ALCAM: variants seen among roughly 807,000 people sequenced by gnomAD.
ALCAM encodes the protein activated leukocyte cell adhesion molecule, also known as CD166 antigen.
ALCAM carries 30 observed loss-of-function variants against 70.9 expected under a neutral mutation model. The observed-to-expected ratio is 0.42, with a 90% CI of 0.32 to 0.57. The LOEUF (loss-of-function observed/expected upper bound fraction) is 0.57, where lower values mean the gene tolerates loss of function less well. Ranked by LOEUF, ALCAM falls within the 20% of genes least tolerant of loss-of-function variation. The probability of loss-of-function intolerance (pLI) is 0.11; values close to 1 mark genes in which losing one functional copy is unlikely to be tolerated. For missense variants in ALCAM, 591 were observed against 695.1 expected (o/e 0.85, Z 1.68); for synonymous variants, 249 against 242.5 (o/e 1.03, Z -0.25).
intron 1 of ALCAM, among the ~76,000 whole-genome samples, chr3:105,429,543 G>C (rs2107434168): frequency 6.6e-6 from 1 of 151,986 alleles, no homozygotes; most frequent in East Asian, 1.9e-4. Flanking sequence ...TAAACAAATT[G>C]GTTATTTATT....
intron 1 of ALCAM, among the ~76,000 whole-genome samples, chr3:105,389,381 T>TTG (rs1159091462): frequency 7.7e-6 from 1 of 130,258 alleles, no homozygotes; most frequent in Non-Finnish European, 1.7e-5. Flanking sequence ...GTTTTTTTTT[T>TTG]TTTTTTTTTT....
chr3:105,556,782 T>C (rs780693839), intron 14 of ALCAM, among the ~76,000 whole-genome samples: 2 of 152,080 alleles, frequency 1.3e-5, no homozygotes, highest in Non-Finnish European at 2.9e-5. Flanking sequence ...AAAGCAAATA[T>C]ATGTTCTCAG....
At chr3:105,570,402 G>A (rs533299786) in intron 14 of ALCAM, among the ~76,000 whole-genome samples, 4 of 152,056 alleles carry the variant, frequency 2.6e-5, no homozygotes. Context: ...GGAACTGAAA[G>A]ACATAATATT....
intron 6 of ALCAM, among the ~76,000 whole-genome samples, chr3:105,538,639 A>G (rs1259839815): frequency 6.6e-6 from 1 of 152,108 alleles, no homozygotes; most frequent in Non-Finnish European, 1.5e-5. Flanking sequence ...CCACAGTGAC[A>G]TGCCACAGGC....
At chr3:105,413,908 G>A (rs1441911543) in intron 1 of ALCAM, among the ~76,000 whole-genome samples, 1 of 152,108 alleles carries the variant, frequency 6.6e-6, no homozygotes, top group Non-Finnish European at 1.5e-5. Context: ...GTGCCATGAT[G>A]TTATTTATCA....
intron 1 of ALCAM, among the ~76,000 whole-genome samples, chr3:105,514,672 T>C (rs1939332058): frequency 6.6e-6 from 1 of 151,934 alleles, no homozygotes; most frequent in Non-Finnish European, 1.5e-5. Flanking sequence ...TGGGTACTAC[T>C]AGTAGTTTAT....
intron 1 of ALCAM, among the ~76,000 whole-genome samples, chr3:105,401,258 A>G (rs1936081839): frequency 6.6e-6 from 1 of 152,206 alleles, no homozygotes; most frequent in African/African-American, 2.4e-5. Context: ...TAAAAACTGA[A>G]ATTATGTACT....
intron 1 of ALCAM, among the ~76,000 whole-genome samples, chr3:105,498,299 C>T (rs1236255064): frequency 6.6e-6 from 1 of 152,098 alleles, no homozygotes; most frequent in Non-Finnish European, 1.5e-5. Flanking sequence ...TATTCTGCTT[C>T]TGTATTCTGT....
At chr3:105,397,142 G>T (rs1001042503) in intron 1 of ALCAM, among the ~76,000 whole-genome samples, 2 of 152,042 alleles carry the variant, frequency 1.3e-5, no homozygotes, top group Non-Finnish European at 2.9e-5. Flanking sequence ...GTGAAATGAT[G>T]AGGCCATTAC....
intron 2 of ALCAM, 56 bp downstream of exon 2, chr3:105,520,223 T>C (rs758326843): frequency 8.1e-7 from 1 of 1,235,522 alleles, no homozygotes; most frequent in East Asian, 2.3e-5. Flanking sequence ...TAAATAAAAT[T>C]CTTTCTGTGA....
intron 1 of ALCAM, among the ~76,000 whole-genome samples, chr3:105,482,687 T>A (rs1190311925): frequency 2.6e-5 from 4 of 152,148 alleles, no homozygotes; most frequent in African/African-American, 9.7e-5. Flanking sequence ...AGTGTATTTA[T>A]TCAGCCTATA....
chr3:105,518,571 G>A (rs1939442738), intron 1 of ALCAM, among the ~76,000 whole-genome samples: 1 of 151,764 alleles, frequency 6.6e-6, no homozygotes, highest in African/African-American at 2.4e-5. Flanking sequence ...TAACAAAGTT[G>A]AATAAAAAAA....
chr3:105,465,313 C>G (rs1447378399), intron 1 of ALCAM, among the ~76,000 whole-genome samples: 2 of 151,192 alleles, frequency 1.3e-5, no homozygotes, highest in Non-Finnish European at 3.0e-5. Flanking sequence ...GTTACATGAC[C>G]TTTTTCAGAA....
At chr3:105,508,196 A>G (rs1420818312) in intron 1 of ALCAM, among the ~76,000 whole-genome samples, 1 of 152,180 alleles carries the variant, frequency 6.6e-6, no homozygotes. Context: ...TTTTTAAAAT[A>G]TTTGTCTAAA....
intron 14 of ALCAM, among the ~76,000 whole-genome samples, chr3:105,561,883 A>G (rs1940637338): frequency 6.6e-6 from 1 of 152,206 alleles, no homozygotes. Context: ...TTCTACCAGC[A>G]TCGATGTGTA....
intron 4 of ALCAM, 35 bp downstream of exon 4, chr3:105,532,101 C>T: frequency 6.4e-7 from 1 of 1,574,064 alleles, no homozygotes; most frequent in South Asian, 1.1e-5. Context: ...CTTTATTTAG[C>T]CAGTGTTGTA....
At position 105,442,737 on chromosome 3, in the gene ALCAM, C is replaced by T. The variant is rs186819772; in HGVS notation, c.73+75256C>T. 2.5e-3 allele frequency among the ~76,000 whole-genome samples: 380 copies of T among 151,770 alleles called. 1 individual carries two copies. Among genetic ancestry groups the T allele is most frequent in the Middle Eastern group, 0.017 (5 of 294 alleles). On this transcript the variant is annotated intron_variant, in intron 1 of 15. Coordinates refer to ENST00000306107, the MANE Select transcript of ALCAM (RefSeq NM_001627.4). ...CGGAGCTTGCAGTGAGCCGAGATCG[C>T]ACCACTGCACTCCAGTTTGGGTGAC...
At chr3:105,472,296 C>CACT (rs1460257982) in intron 1 of ALCAM, among the ~76,000 whole-genome samples, 5 of 151,396 alleles carry the variant, frequency 3.3e-5, no homozygotes, top group African/African-American at 1.2e-4. Context: ...ACATAGAAAT[C>CACT]ACTAATACCT....
intron 1 of ALCAM, among the ~76,000 whole-genome samples, chr3:105,505,757 T>G (rs1007496417): frequency 6.6e-6 from 1 of 152,216 alleles, no homozygotes; most frequent in Admixed American, 6.5e-5. Flanking sequence ...TCTAATCAGA[T>G]GTTTAGCATA....
Sources: gnomAD v4.1 joint callset for allele counts (sites outside exome capture counted in the v4.1 genomes callset) on GRCh38, gnomAD v4.1.1 for gene constraint, MANE v1.5 for transcripts, NCBI Gene and HGNC (gene_info 2026-07-23, HGNC 2026-07-21) for gene names.